The following ARAP3 variants were observed in gnomAD, a reference collection of about 807,000 sequenced individuals.
The protein encoded by ARAP3 is ArfGAP with RhoGAP domain, ankyrin repeat and PH domain 3, also known as arf-GAP with Rho-GAP domain, ANK repeat and PH domain-containing protein 3.
Under a neutral mutation model 169.2 loss-of-function variants are expected in ARAP3, and 82 were observed. The observed-to-expected ratio is 0.48, with a 90% confidence interval of 0.41 to 0.58. The LOEUF (loss-of-function observed/expected upper bound fraction) is 0.58. Ranked by LOEUF, ARAP3 falls within the 20% of genes least tolerant of loss-of-function variation. The probability of loss-of-function intolerance (pLI) is 0.00; values close to 1 mark genes in which losing one functional copy is unlikely to be tolerated. For synonymous variants in ARAP3, 791 were observed against 800.3 expected (o/e 0.99, Z 0.20); for missense variants, 1,764 against 2,018.0 (o/e 0.87, Z 2.41).
In ARAP3 at chr5:141,679,957, A is replaced by G; in HGVS notation, c.524+6T>C. On this transcript the variant is annotated splice_donor_region_variant and intron_variant, in intron 2 of 32. Transcript: ENST00000239440. ...CATCAGTCCCTAGGGAGCCAACTCCACTCACTTGTCCTGAGCTGCCTGTGC... is the reference window on the plus strand; with the variant it reads ...CATCAGTCCCTAGGGAGCCAACTCCGCTCACTTGTCCTGAGCTGCCTGTGC... 2 of 1,613,924 alleles carry G rather than the reference A, an allele frequency of 1.2e-6. No individual in the cohort carries two copies. Among genetic ancestry groups the G allele is most frequent in the Non-Finnish European group, 1.7e-6 (2 of 1,179,926 alleles).
At chr5:141,668,896 A>G (rs2099911051) in intron 16 of ARAP3, among the ~76,000 whole-genome samples, 1 of 152,218 alleles carries the variant, frequency 6.6e-6, no homozygotes, top group Non-Finnish European at 1.5e-5. Flanking sequence ...GGGGAACTGC[A>G]GGCTGCACAC....
chr5:141,679,473 G>A, intron 4 of ARAP3, 72 bp downstream of exon 4: 1 of 1,449,648 alleles, frequency 6.9e-7, no homozygotes, highest in Non-Finnish European at 9.6e-7. Flanking sequence ...CACATTTGTT[G>A]AATAACTGGA....
At chr5:141,670,348 GCTGCCA>G (rs1391509717) in intron 14 of ARAP3, among the ~76,000 whole-genome samples, 158 bp downstream of exon 14, 1 of 152,102 alleles carries the variant, frequency 6.6e-6, no homozygotes, top group Non-Finnish European at 1.5e-5. Flanking sequence ...ATCACCCAAT[GCTGCCA>G]CTTGGCATGG....
chr5:141,656,657 C>A lies in ARAP3; in HGVS notation c.3656-20G>T. 1.2e-6 allele frequency: 2 copies of A among 1,613,416 alleles called. No homozygotes were observed. Among genetic ancestry groups the A allele is most frequent in the Non-Finnish European group, 1.7e-6 (2 of 1,179,744 alleles). ...GGATACCTGGGCATAGATGGGCAATCCTGGGTGGAGGATGCTAGGGGAGAG... is the reference window on the plus strand; with the variant it reads ...GGATACCTGGGCATAGATGGGCAATACTGGGTGGAGGATGCTAGGGGAGAG... On this transcript the variant is annotated intron_variant, in intron 26 of 32. Coordinates refer to ENST00000239440, the MANE Select transcript of ARAP3 (RefSeq NM_022481.6).
chr5:141,680,493 TC>T lies in ARAP3; in HGVS notation c.-8del, dbSNP rs781628399. On this transcript the variant is annotated 5_prime_UTR_variant, in exon 2 of 33. An upstream open reading frame in the 5' UTR loses its in-frame stop. Coordinates refer to ENST00000239440, the MANE Select transcript of ARAP3 (RefSeq NM_022481.6). ...GGTCCTGAGGGGCAGCCATGGGGGC[TC>T]AGGCCATTGCTGGGGGGAGGGGCAG... The T allele has an allele frequency of 1.5e-5, 23 of 1,584,612 alleles. No homozygotes were observed. In the Admixed American group the frequency reaches 1.7e-4, roughly 12 times the overall value.
intron 1 of ARAP3, among the ~76,000 whole-genome samples, chr5:141,681,917 G>T (rs2099913057): frequency 6.6e-6 from 1 of 151,986 alleles, no homozygotes; most frequent in Admixed American, 6.5e-5. Context: ...TCGACAGCAC[G>T]GGGCTGGGAG....
chr5:141,669,758 C>A lies in ARAP3; in HGVS notation c.2303G>T (p.Gly768Val), dbSNP rs556610759. Reference protein sequence around the residue: ...ILAGGRIQHFGTDGADSLEAW... With the variant: ...ILAGGRIQHFVTDGADSLEAW... ...CTCCAGACTGTCAGCTCCATCTGTGCCAAAATGCTGGATCCTCCCCCCAGC... is the reference window on the plus strand; with the variant it reads ...CTCCAGACTGTCAGCTCCATCTGTGACAAAATGCTGGATCCTCCCCCCAGC... The change falls in exon 16 of 33, where the codon GGC (glycine) becomes GTC (valine). Residue 768 changes from glycine (G) to valine (V), a missense_variant. By Grantham distance (109) the Gly-to-Val change is moderately radical. Transcript: ENST00000239440. 6.2e-7 allele frequency: 1 copy of A among 1,614,066 alleles called. No homozygotes were observed. The highest frequency in any genetic ancestry group is 8.5e-7 in the Non-Finnish European group (1 of 1,179,972).
intron 16 of ARAP3, among the ~76,000 whole-genome samples, chr5:141,669,134 C>G (rs1350294216): frequency 1.3e-5 from 2 of 152,096 alleles, no homozygotes; most frequent in African/African-American, 4.8e-5. Context: ...TTTACGCCCA[C>G]CCTACAGATG....
chr5:141,656,922 T>A, intron 25 of ARAP3, 76 bp from the exon 26 acceptor site: 2 of 1,514,844 alleles, frequency 1.3e-6, no homozygotes, highest in Non-Finnish European at 1.8e-6. Flanking sequence ...CAGTCATTCA[T>A]TCATCCATTC....
rs765464841 is a variant in ARAP3 at position 141,669,780 on chromosome 5, C to G, written c.2281G>C (p.Gly761Arg). The change falls in exon 16 of 33, where the codon GGG becomes CGG. Residue 761 changes from glycine (G) to arginine (R), a missense_variant. This residue lies in a region of ARAP3 where 1,112 missense variants were observed against 1,285.7 expected (regional missense o/e 0.86). Coordinates refer to ENST00000239440, the MANE Select transcript of ARAP3 (RefSeq NM_022481.6). ...GTGCCAAAATGCTGGATCCTCCCCC[C>G]AGCGAGGATGAGCTCAAAGGAAAAG... ...FPFSFELILA[G>R]GRIQHFGTDG... 4 of 1,614,142 alleles carry G rather than the reference C, an allele frequency of 2.5e-6. No individual in the cohort carries two copies. Among genetic ancestry groups the G allele is most frequent in the African/African-American group, 1.3e-5 (1 of 75,044 alleles).
rs1554224247 is a variant in ARAP3 at position 141,666,052 on chromosome 5, A to AT, written c.2572+371_2572+372insA. ...TGACTCTGTCTCCAAAAAAAAAAAAAAATAATAATAATAATAATAATAACA... is the reference window on the plus strand; with the variant it reads ...TGACTCTGTCTCCAAAAAAAAAAAAATAATAATAATAATAATAATAATAACA... On this transcript the variant is annotated intron_variant, in intron 17 of 32. Coordinates refer to ENST00000239440, the MANE Select transcript of ARAP3 (RefSeq NM_022481.6). Among the ~76,000 whole-genome samples, 1,402 of 140,748 alleles carry AT rather than the reference A, an allele frequency of 1.0e-2. 33 individuals carry two copies. Among genetic ancestry groups the AT allele is most frequent in the Admixed American group, 0.044 (618 of 14,004 alleles). 92.3% of individuals were successfully genotyped at this position (140,748 alleles called of 152,430 possible). A position where few individuals can be genotyped will look rare whatever the true frequency, so the allele number is the denominator to read the frequency against.
At chr5:141,662,814 G>A (rs568790021) in intron 19 of ARAP3, among the ~76,000 whole-genome samples, 1 of 152,338 alleles carries the variant, frequency 6.6e-6, no homozygotes, top group Admixed American at 6.5e-5. Context: ...GTTTCTACGT[G>A]TGAGAAAGCT....
chr5:141,660,447 T>C (rs1054128193), intron 21 of ARAP3, among the ~76,000 whole-genome samples: 7 of 150,642 alleles, frequency 4.6e-5, no homozygotes, highest in African/African-American at 7.3e-5. Flanking sequence ...TGAGCCGAGA[T>C]TGCGCCACTG....
At position 141,662,209 on chromosome 5, in the gene ARAP3, G is replaced by T. The variant is rs751693899; in HGVS notation, c.2847C>A (p.Arg949=). The change falls in exon 20 of 33, where the codon CGC becomes CGA. Residue 949 remains arginine (R), a synonymous_variant. Transcript: ENST00000239440. ...GVYRKGGARA[R]SLRLLAEFRR... ...GGAACTCAGCCAGGAGTCTCAGGCT[G>T]CGGGCACGAGCGCCCCCTTTCCGGT... The T allele has an allele frequency of 1.2e-6, 2 of 1,614,222 alleles. No individual in the cohort carries two copies. The highest frequency in any genetic ancestry group is 8.5e-7 in the Non-Finnish European group (1 of 1,180,050).
At chr5:141,677,752 T>TAAAA (rs2099912377) in intron 4 of ARAP3, among the ~76,000 whole-genome samples, 1 of 151,246 alleles carries the variant, frequency 6.6e-6, no homozygotes, top group Non-Finnish European at 1.5e-5. Context: ...TTTGTTTTTT[T>TAAAA]GGTTTTGTTT....
rs2099911520 is a variant in ARAP3, at chr5:141,672,023, G to A, written c.1586-43C>T. 2.5e-6 allele frequency: 4 copies of A among 1,614,060 alleles called. No homozygotes were observed. In the African/African-American group the frequency reaches 4.0e-5, roughly 16 times the overall value. On this transcript the variant is annotated intron_variant, in intron 10 of 32. Coordinates refer to ENST00000239440, the MANE Select transcript of ARAP3 (RefSeq NM_022481.6). This position sits in a 1 kb window ranked among gnomAD's most constrained non-coding sequence, Gnocchi z 4.9. ...TGTGTGAGGGTGTGTGAGGGTGTGA[G>A]GGGCATGTGGCACGGGTACCCTGAG...
chr5:141,659,596 G>C, intron 22 of ARAP3, 120 bp from the exon 23 acceptor site: 1 of 1,332,338 alleles, frequency 7.5e-7, no homozygotes, highest in South Asian at 1.2e-5. Context: ...AACCAAGGGG[G>C]TGAGGATGTT....
At position 141,656,047 on chromosome 5, in the gene ARAP3, G is replaced by T. The variant is rs1394780230; in HGVS notation, c.3908+17C>A. ...CAGAGGTGGGCCAGAGGAGAAGCCA[G>T]GGCAGGAGGTACTCACAGGTGCATC... is the stretch of plus-strand genomic sequence containing the variant. On this transcript the variant is annotated intron_variant, in intron 29 of 32. Transcript: ENST00000239440. The T allele has an allele frequency of 6.2e-7, 1 of 1,614,198 alleles. No homozygotes were observed. The highest frequency in any genetic ancestry group is 1.3e-5 in the African/African-American group (1 of 75,026).
At chr5:141,677,950 A>ATTT (rs35622634) in intron 4 of ARAP3, among the ~76,000 whole-genome samples, 3 of 129,724 alleles carry the variant, frequency 2.3e-5, no homozygotes, top group Non-Finnish European at 3.2e-5. Context: ...ACCCCCAGCT[A>ATTT]TTTTTTTTTT....
Sources: gnomAD v4.1 joint callset for allele counts (sites outside exome capture counted in the v4.1 genomes callset) on GRCh38, gnomAD v4.1.1 for gene constraint, gnomAD v4.1.1 regional missense constraint, Gnocchi (gnomAD v3.1) non-coding constraint, MANE v1.5 for transcripts, NCBI Gene and HGNC (gene_info 2026-07-23, HGNC 2026-07-21) for gene names.